B3GALT1: variants seen among roughly 807,000 people sequenced by gnomAD.
The protein encoded by B3GALT1 is beta-1,3-galactosyltransferase 1, also known as UDP-Gal:betaGlcNAc beta 1,3-galactosyltransferase, polypeptide 1.
B3GALT1 carries 10 observed loss-of-function variants against 23.2 expected under a neutral mutation model. The ratio of observed to expected loss-of-function variants is 0.43; its 90% CI spans 0.27 to 0.73. The LOEUF (loss-of-function observed/expected upper bound fraction) is 0.73. Ranked by LOEUF, B3GALT1 falls within the 30% of genes least tolerant of loss-of-function variation. The pLI is 0.21. For synonymous variants in B3GALT1, 156 were observed against 141.5 expected (o/e 1.10, Z -0.73); for missense variants, 299 against 405.4 (o/e 0.74, Z 2.25).
At chr2:167,680,804 A>G (rs1686516279) in intron 3 of B3GALT1, among the ~76,000 whole-genome samples, 1 of 152,200 alleles carries the variant, frequency 6.6e-6, no homozygotes, top group Non-Finnish European at 1.5e-5. Context: ...AACTGAAACC[A>G]TTAAGAAATT....
intron 2 of B3GALT1, among the ~76,000 whole-genome samples, chr2:167,516,113 CAATTT>C (rs1488449789): frequency 1.3e-5 from 2 of 152,050 alleles, no homozygotes; most frequent in African/African-American, 4.8e-5. Flanking sequence ...ACCACCACCG[CAATTT>C]AACTGGCTCT....
chr2:167,294,135 G>T (rs1036911887), intron 1 of B3GALT1, among the ~76,000 whole-genome samples: 9 of 152,294 alleles, frequency 5.9e-5, no homozygotes, highest in African/African-American at 2.2e-4. Context: ...GCAGAGCGGG[G>T]CTCCGACGCC....
At chr2:167,514,810 A>G (rs1700077191) in intron 2 of B3GALT1, among the ~76,000 whole-genome samples, 1 of 152,178 alleles carries the variant, frequency 6.6e-6, no homozygotes, top group Non-Finnish European at 1.5e-5. Flanking sequence ...GAAAATAATA[A>G]TTAGGTTGTT....
At chr2:167,708,303 T>C (rs1686994712) in intron 3 of B3GALT1, among the ~76,000 whole-genome samples, 1 of 152,228 alleles carries the variant, frequency 6.6e-6, no homozygotes, top group South Asian at 2.1e-4. Flanking sequence ...ATACCAGTTC[T>C]GCTAACTCTG....
chr2:167,647,815 T>C (rs1685775034), intron 3 of B3GALT1, among the ~76,000 whole-genome samples: 1 of 152,130 alleles, frequency 6.6e-6, no homozygotes, highest in Admixed American at 6.6e-5. Flanking sequence ...ATGGTGGTTG[T>C]ATGTATTTAT....
intron 1 of B3GALT1, among the ~76,000 whole-genome samples, chr2:167,335,746 G>A (rs768453121): frequency 4.6e-5 from 7 of 152,152 alleles, no homozygotes; most frequent in Non-Finnish European, 8.8e-5. Flanking sequence ...GTTGCCTTGA[G>A]TTTTAGTGGG....
At chr2:167,549,246 G>A (rs1574131240) in intron 2 of B3GALT1, among the ~76,000 whole-genome samples, 1 of 152,196 alleles carries the variant, frequency 6.6e-6, no homozygotes, top group Non-Finnish European at 1.5e-5. Flanking sequence ...TTAGGCAGGT[G>A]TTAGTATCCC....
intron 3 of B3GALT1, among the ~76,000 whole-genome samples, chr2:167,806,639 A>G (rs1688761205): frequency 6.6e-6 from 1 of 152,118 alleles, no homozygotes; most frequent in South Asian, 2.1e-4. Flanking sequence ...CATATGTTGA[A>G]CCAGCCTTGC....
intron 4 of B3GALT1, among the ~76,000 whole-genome samples, chr2:167,844,389 T>C (rs1346029126): frequency 6.6e-6 from 1 of 152,184 alleles, no homozygotes; most frequent in African/African-American, 2.4e-5. Context: ...GGACTGCTCC[T>C]GCAGGACTCG....
chr2:167,689,567 A>C (rs1273777852), intron 3 of B3GALT1, among the ~76,000 whole-genome samples: 3 of 152,034 alleles, frequency 2.0e-5, no homozygotes, highest in African/African-American at 7.2e-5. Context: ...TGATCACCTT[A>C]AAAGGACTTC....
chr2:167,486,501 C>G (rs1454553117), intron 1 of B3GALT1, among the ~76,000 whole-genome samples: 2 of 151,822 alleles, frequency 1.3e-5, no homozygotes, highest in African/African-American at 4.8e-5. Flanking sequence ...AGGCAGATCA[C>G]TAGGTCAAGA....
At chr2:167,493,829 A>G (rs1699742374) in intron 2 of B3GALT1, among the ~76,000 whole-genome samples, 1 of 152,084 alleles carries the variant, frequency 6.6e-6, no homozygotes, top group Non-Finnish European at 1.5e-5. Context: ...TTTAAATTTC[A>G]TTTTCCTAGA....
chr2:167,551,839 G>A (rs1683753520), intron 2 of B3GALT1, among the ~76,000 whole-genome samples: 1 of 152,126 alleles, frequency 6.6e-6, no homozygotes, highest in Non-Finnish European at 1.5e-5. Flanking sequence ...GTGGCACTAT[G>A]TCTCCCCTGT....
intron 2 of B3GALT1, among the ~76,000 whole-genome samples, chr2:167,557,539 C>T (rs1683876163): frequency 6.6e-6 from 1 of 152,200 alleles, no homozygotes; most frequent in Non-Finnish European, 1.5e-5. Context: ...GGGCAACCCT[C>T]GTTCTTTCTT....
At chr2:167,750,194 C>T (rs949565959) in intron 3 of B3GALT1, among the ~76,000 whole-genome samples, 5 of 152,072 alleles carry the variant, frequency 3.3e-5, no homozygotes, top group African/African-American at 4.8e-5. Context: ...ATTTGCAAGC[C>T]TGAGTGATGT....
rs141169685 is a variant in B3GALT1, at chr2:167,403,381, C to A, written c.-510-86796C>A. Among the ~76,000 whole-genome samples the A allele has an allele frequency of 7.2e-5, 11 of 152,018 alleles. No homozygotes were observed. In the East Asian group the frequency reaches 2.1e-3, roughly 29 times the overall value. On this transcript the variant is annotated intron_variant, in intron 1 of 4. Transcript: ENST00000392690. ...CCCTTTTTATGACTTCTTAGTATCC[C>A]ATGGTGTGTATGTGCCACGTTTTCT...
intron 3 of B3GALT1, among the ~76,000 whole-genome samples, chr2:167,810,848 C>T (rs1159316625): frequency 1.3e-5 from 2 of 152,116 alleles, no homozygotes; most frequent in East Asian, 3.9e-4. Flanking sequence ...CCTATCTGTC[C>T]TGTTAAAATG....
At chr2:167,664,085 A>C (rs1321271564) in intron 3 of B3GALT1, among the ~76,000 whole-genome samples, 2 of 150,802 alleles carry the variant, frequency 1.3e-5, no homozygotes, top group Non-Finnish European at 2.9e-5. Context: ...TAGGGTTTTT[A>C]TGGTTTTAGG....
At chr2:167,295,759 G>A (rs1348953252) in intron 1 of B3GALT1, among the ~76,000 whole-genome samples, 2 of 135,072 alleles carry the variant, frequency 1.5e-5, no homozygotes, top group Non-Finnish European at 3.1e-5. Flanking sequence ...TTTTAAGGTT[G>A]TGTGTGTACG....
Sources: allele counts gnomAD v4.1 joint callset (sites outside exome capture counted in the v4.1 genomes callset), GRCh38; gene constraint gnomAD v4.1.1; transcripts MANE v1.5; gene names NCBI Gene and HGNC (gene_info 2026-07-23, HGNC 2026-07-21).